The following NRXN1 variants were observed in gnomAD, a reference collection of about 807,000 sequenced individuals.
NRXN1 encodes the protein neurexin 1, also known as neurexin-1.
A neutral mutation model predicts 150.9 loss-of-function variants in NRXN1; 39 were observed. The ratio of observed to expected loss-of-function variants is 0.26; its 90% CI spans 0.20 to 0.34. The LOEUF (loss-of-function observed/expected upper bound fraction) is 0.34. Among genes scored for constraint, NRXN1 ranks in the 10% least tolerant of loss-of-function variants. The pLI, the probability that NRXN1 is intolerant of heterozygous loss-of-function variation, is 1.00. For missense variants in NRXN1, 1,815 were observed against 1,949.9 expected, an observed-to-expected ratio of 0.93 and a Z score of 1.30; for synonymous variants, 924 against 757.0, an observed-to-expected ratio of 1.22 and a Z score of -3.62.
chr2:50,839,564 T>C (rs899337798), intron 5 of NRXN1, among the ~76,000 whole-genome samples: 3 of 152,132 alleles, frequency 2.0e-5, no homozygotes, highest in African/African-American at 7.2e-5. Context: ...AGAAAGATCT[T>C]CATGCATCTT....
chr2:50,754,833 G>A (rs1700991171), intron 5 of NRXN1, among the ~76,000 whole-genome samples: 1 of 151,868 alleles, frequency 6.6e-6, no homozygotes, highest in South Asian at 2.1e-4. Context: ...ACTGAAAAAT[G>A]TCAAGTTGTT....
At chr2:50,866,984 A>T (rs896488915) in intron 5 of NRXN1, among the ~76,000 whole-genome samples, 5 of 151,996 alleles carry the variant, frequency 3.3e-5, no homozygotes, top group East Asian at 3.9e-4. Context: ...TTTGCTCCCA[A>T]TACTCTTTTA....
chr2:50,273,842 G>T (rs1574868496), intron 17 of NRXN1, among the ~76,000 whole-genome samples: 1 of 152,146 alleles, frequency 6.6e-6, no homozygotes, highest in East Asian at 1.9e-4. Context: ...TCTCATGTCA[G>T]TTAGAATGGC....
intron 17 of NRXN1, among the ~76,000 whole-genome samples, chr2:50,425,085 G>T (rs575746837): frequency 3.9e-5 from 6 of 152,236 alleles, no homozygotes; most frequent in East Asian, 1.9e-4. Flanking sequence ...GCCATATTGT[G>T]CATTTTGCCA....
chr2:49,965,321 T>A (rs1018838451), intron 21 of NRXN1, among the ~76,000 whole-genome samples: 3 of 152,114 alleles, frequency 2.0e-5, no homozygotes, highest in African/African-American at 7.2e-5. Context: ...GGCTGGAGTG[T>A]AATGGCTCCA....
chr2:50,081,557 C>A (rs1234413072), intron 19 of NRXN1, among the ~76,000 whole-genome samples: 2 of 152,040 alleles, frequency 1.3e-5, no homozygotes, highest in African/African-American at 4.8e-5. Context: ...CCTCAAAAAA[C>A]AAAACAAAAC....
chr2:50,091,282 T>C, intron 19 of NRXN1, 41 bp downstream of exon 19: 1 of 1,611,616 alleles, frequency 6.2e-7, no homozygotes, highest in Non-Finnish European at 8.5e-7. Context: ...TCCAGTTTGT[T>C]TTTCATAAAA....
chr2:50,483,518 C>T (rs555425272), intron 15 of NRXN1, among the ~76,000 whole-genome samples: 1 of 152,282 alleles, frequency 6.6e-6, no homozygotes, highest in South Asian at 2.1e-4. Context: ...TTCAGGGCCC[C>T]TTTCTCGTAA....
chr2:50,804,529 G>A (rs182604283), intron 5 of NRXN1, among the ~76,000 whole-genome samples: 6 of 152,262 alleles, frequency 3.9e-5, no homozygotes, highest in South Asian at 2.1e-4. Flanking sequence ...CAAATATGCC[G>A]TCTTGTTTTC....
intron 17 of NRXN1, among the ~76,000 whole-genome samples, chr2:50,436,470 A>T (rs1337030600): frequency 6.7e-6 from 1 of 148,766 alleles, no homozygotes; most frequent in Non-Finnish European, 1.5e-5. Context: ...AAAAAAAAAA[A>T]ATACAAAGAA....
At chr2:50,808,518 T>C (rs1667809156) in intron 5 of NRXN1, among the ~76,000 whole-genome samples, 1 of 151,906 alleles carries the variant, frequency 6.6e-6, no homozygotes, top group Non-Finnish European at 1.5e-5. Context: ...TGATTGTACA[T>C]AGTGTCAAGA....
intron 5 of NRXN1, among the ~76,000 whole-genome samples, chr2:50,731,881 C>G (rs1007329844): frequency 6.6e-6 from 1 of 152,160 alleles, no homozygotes; most frequent in East Asian, 1.9e-4. Flanking sequence ...TTTCGTTTGG[C>G]TGTTGGGATA....
chr2:50,678,455 T>A (rs1481065487), intron 5 of NRXN1, among the ~76,000 whole-genome samples: 1 of 152,332 alleles, frequency 6.6e-6, no homozygotes. Flanking sequence ...TATATTAAGA[T>A]AACTCCTTTC....
At chr2:49,977,412 C>G (rs985884664) in intron 21 of NRXN1, among the ~76,000 whole-genome samples, 4 of 152,158 alleles carry the variant, frequency 2.6e-5, no homozygotes, top group African/African-American at 9.7e-5. Context: ...CAGTCCCTAT[C>G]ACAAATAATT....
intron 18 of NRXN1, among the ~76,000 whole-genome samples, chr2:50,164,052 C>G (rs2059531581): frequency 1.3e-5 from 2 of 152,196 alleles, no homozygotes; most frequent in Non-Finnish European, 2.9e-5. Context: ...AAATTTACAT[C>G]AGACCAATTT....
Position 50,828,476 on chromosome 2 carries a change from G to T in NRXN1, c.832+93393C>A, listed in dbSNP as rs530220886. Among the ~76,000 whole-genome samples, 23 of 151,556 alleles carry T rather than the reference G, an allele frequency of 1.5e-4. No homozygotes were observed. In the East Asian group the frequency reaches 3.0e-3, roughly 20 times the overall value. On this transcript the variant is annotated intron_variant, in intron 5 of 22. Transcript: ENST00000401669. ...AGGGGCTCCTCACTTCTCAGACGGG[G>T]CGGTTGCCAGGCGGAGGGTCTCCTC...
chr2:50,165,275 C>T (rs1429346448), intron 18 of NRXN1, among the ~76,000 whole-genome samples: 2 of 152,186 alleles, frequency 1.3e-5, no homozygotes, highest in South Asian at 2.1e-4. Context: ...ATAGAAAGTA[C>T]GGTAGCAGGA....
At chr2:50,695,645 A>C (rs1692716799) in intron 5 of NRXN1, among the ~76,000 whole-genome samples, 1 of 152,172 alleles carries the variant, frequency 6.6e-6, no homozygotes, top group African/African-American at 2.4e-5. Flanking sequence ...AAAATATGTG[A>C]AATATGTTAA....
chr2:49,943,587 C>A, intron 22 of NRXN1, 117 bp downstream of exon 22: 1 of 722,738 alleles, frequency 1.4e-6, no homozygotes, highest in Admixed American at 2.1e-5. Flanking sequence ...ATCTCACAAT[C>A]AACGATGGTA....
Sources: allele counts gnomAD v4.1 joint callset (sites outside exome capture counted in the v4.1 genomes callset), GRCh38; gene constraint gnomAD v4.1.1; transcripts MANE v1.5; gene names NCBI Gene and HGNC (gene_info 2026-07-23, HGNC 2026-07-21).